DLGAP2: variants seen among roughly 807,000 people sequenced by gnomAD.
DLGAP2 encodes disks large-associated protein 2.
A neutral mutation model predicts 100.3 loss-of-function variants in DLGAP2; 26 were observed. The ratio of observed to expected loss-of-function variants is 0.26; its 90% CI spans 0.19 to 0.36. DLGAP2 has a LOEUF of 0.36. DLGAP2 is among the 10% of genes least tolerant of loss of function. DLGAP2 has a pLI of 1.00. For missense variants in DLGAP2, 1,858 were observed against 1,453.2 expected (o/e 1.28, Z -4.53); for synonymous variants, 886 against 630.1 (o/e 1.41, Z -6.08).
intron 3 of DLGAP2, among the ~76,000 whole-genome samples, chr8:1,338,243 G>C (rs1343377699): frequency 6.6e-6 from 1 of 152,222 alleles, no homozygotes; most frequent in Non-Finnish European, 1.5e-5. Context: ...AGTGTCCACA[G>C]CAGCATTGCT....
chr8:1,346,364 G>A (rs1466301442), intron 3 of DLGAP2, among the ~76,000 whole-genome samples: 1 of 151,832 alleles, frequency 6.6e-6, no homozygotes, highest in Admixed American at 6.6e-5. Flanking sequence ...TGGCGGCTGT[G>A]TGGAGTTTGA....
intron 8 of DLGAP2, among the ~76,000 whole-genome samples, chr8:1,666,118 G>A (rs536877721): frequency 2.6e-5 from 4 of 152,300 alleles, no homozygotes; most frequent in African/African-American, 7.2e-5. Context: ...CGGCACTACT[G>A]GCCTTTGGGA....
At chr8:1,119,935 C>G (rs111612221) in intron 2 of DLGAP2, among the ~76,000 whole-genome samples, 1,785 of 152,190 alleles carry the variant, frequency 0.012, 17 homozygotes, top group Middle Eastern at 0.02. Context: ...TTGGGAAGAC[C>G]CTTTCTGGAA....
chr8:1,075,428 A>G (rs986282638), intron 2 of DLGAP2, among the ~76,000 whole-genome samples: 13 of 152,030 alleles, frequency 8.6e-5, no homozygotes, highest in African/African-American at 2.7e-4. Context: ...GTCTCCTGCA[A>G]TGGGCTTGTT....
intron 4 of DLGAP2, among the ~76,000 whole-genome samples, chr8:1,521,861 C>T (rs1328356198): frequency 4.7e-4 from 65 of 138,006 alleles, no homozygotes; most frequent in South Asian, 2.2e-3. Flanking sequence ...TGATTTGGGG[C>T]GTCTCTGGTT....
intron 3 of DLGAP2, among the ~76,000 whole-genome samples, chr8:1,346,051 C>A (rs1277511412): frequency 1.3e-5 from 2 of 152,236 alleles, no homozygotes; most frequent in Non-Finnish European, 2.9e-5. Flanking sequence ...GCCATGGGCA[C>A]TGTGCTCATG....
intron 5 of DLGAP2, among the ~76,000 whole-genome samples, chr8:1,553,046 G>T (rs541673564): frequency 6.6e-6 from 1 of 152,186 alleles, no homozygotes; most frequent in African/African-American, 2.4e-5. Flanking sequence ...ACAGTCCACC[G>T]AAACTCCCAG....
chr8:906,768 C>G (rs554444779), intron 1 of DLGAP2, among the ~76,000 whole-genome samples: 12 of 152,212 alleles, frequency 7.9e-5, no homozygotes, highest in African/African-American at 2.9e-4. Context: ...GCTCTGTGCA[C>G]ATGAGAAGCA....
chr8:968,374 A>G (rs1409553133), intron 2 of DLGAP2, among the ~76,000 whole-genome samples: 1 of 152,144 alleles, frequency 6.6e-6, no homozygotes, highest in African/African-American at 2.4e-5. Flanking sequence ...GGCCCCTGTG[A>G]GCTGAAGTGA....
At chr8:758,486 C>T (rs181427988) in intron 1 of DLGAP2, among the ~76,000 whole-genome samples, 223 of 152,274 alleles carry the variant, frequency 1.5e-3, no homozygotes, top group Non-Finnish European at 2.4e-3. Context: ...AATTGAAAAG[C>T]AAGAGCGTCT....
At chr8:1,694,096 A>T (rs924787620) in intron 13 of DLGAP2, among the ~76,000 whole-genome samples, 1 of 152,172 alleles carries the variant, frequency 6.6e-6, no homozygotes, top group African/African-American at 2.4e-5. Context: ...TTTGGCTTAA[A>T]ATTGTTCATC....
chr8:1,651,018 C>G (rs1027689997), intron 8 of DLGAP2, among the ~76,000 whole-genome samples: 2 of 152,170 alleles, frequency 1.3e-5, no homozygotes, highest in Non-Finnish European at 2.9e-5. Context: ...CAAGAAAACC[C>G]CTGCTCAGCG....
At chr8:1,606,722 G>C (rs1056230841) in intron 6 of DLGAP2, among the ~76,000 whole-genome samples, 1 of 152,126 alleles carries the variant, frequency 6.6e-6, no homozygotes, top group Non-Finnish European at 1.5e-5. Context: ...TCACTCTGTT[G>C]CCCAGGCTGG....
At chr8:1,235,196 C>T (rs1205238584) in intron 2 of DLGAP2, among the ~76,000 whole-genome samples, 1 of 139,282 alleles carries the variant, frequency 7.2e-6, no homozygotes, top group South Asian at 2.5e-4. Flanking sequence ...TTCCCTCACA[C>T]ATGGCGTCAT....
chr8:1,186,763 G>A (rs942051049), intron 2 of DLGAP2, among the ~76,000 whole-genome samples: 2 of 152,166 alleles, frequency 1.3e-5, no homozygotes, highest in African/African-American at 4.8e-5. Context: ...CTGGCTCTAA[G>A]GAGCTTGGAC....
intron 1 of DLGAP2, among the ~76,000 whole-genome samples, chr8:837,070 C>T (rs973659585): frequency 5.9e-5 from 9 of 152,364 alleles, no homozygotes; most frequent in Non-Finnish European, 1.0e-4. Context: ...ATCTCGACCA[C>T]GTCCCATCTC....
chr8:1,548,948 C>T lies in DLGAP2; in HGVS notation c.495C>T (p.His165=). 1.9e-6 allele frequency: 3 copies of T among 1,598,922 alleles called. No homozygotes were observed. Among genetic ancestry groups the T allele is most frequent in the African/African-American group, 1.3e-5 (1 of 75,028 alleles). Residue 165 remains histidine, a synonymous_variant, in exon 5 of 15, where the codon CAC becomes CAT. Transcript: ENST00000637795. ...HVSSSTFPRM[H]YSSHYDTRDD... ...CCAGCAGCACCTTCCCGCGGATGCA[C>T]TACAGCTCGCACTACGACACGCGCG...
At chr8:826,429 T>A (rs7814871) in intron 1 of DLGAP2, among the ~76,000 whole-genome samples, 2 of 152,090 alleles carry the variant, frequency 1.3e-5, no homozygotes, top group African/African-American at 2.4e-5. Context: ...CACTTTGGTT[T>A]TAATTTGCTC....
intron 2 of DLGAP2, among the ~76,000 whole-genome samples, chr8:1,135,619 A>C (rs903347801): frequency 1.4e-5 from 2 of 144,704 alleles, no homozygotes; most frequent in Non-Finnish European, 3.0e-5. Flanking sequence ...CGACATTCTC[A>C]AGGTGATCCC....
Sources: gnomAD v4.1 joint callset for allele counts (sites outside exome capture counted in the v4.1 genomes callset) on GRCh38, gnomAD v4.1.1 for gene constraint, MANE v1.5 for transcripts, NCBI Gene and HGNC (gene_info 2026-07-23, HGNC 2026-07-21) for gene names.